The following VCX3B variants were observed in gnomAD, a reference collection of about 807,000 sequenced individuals.
The protein encoded by VCX3B is variable charge X-linked protein 3B.
For missense variants in VCX3B, 43 were observed against 195.3 expected (o/e 0.22, Z 4.65); for synonymous variants, 15 against 85.8 (o/e 0.17, Z 4.56).
chrX:8,466,321 G>T lies in VCX3B; in HGVS notation c.679G>T (p.Glu227Ter). The part of the protein sequence containing the change: ...ESQVEEPLSQ[E>*]SEMEEPLSQE... ...CCAGGTGGAGGAACCACTGAGTCAG[G>T]AGAGCGAGATGGAAGAACCACTGAG... is the stretch of plus-strand genomic sequence containing the variant. Residue 227 changes from glutamate (E) to a stop codon, truncating the protein, a stop_gained, in exon 3 of 3, where the codon GAG (glutamate) becomes TAG (stop). Transcript: ENST00000381032. LOFTEE classifies it high-confidence loss of function. The T allele has an allele frequency of 9.2e-7, 1 of 1,084,408 alleles. No homozygotes were observed. Among genetic ancestry groups the T allele is most frequent in the African/African-American group, 3.2e-5 (1 of 30,806 alleles). 89.4% of individuals were successfully genotyped at this position (1,084,408 alleles called of 1,213,427 possible). A position where few individuals can be genotyped will look rare whatever the true frequency, so the allele number is the denominator to read the frequency against.
At chrX:8,465,056 A>G (rs1457998952) in intron 1 of VCX3B, 66 bp downstream of exon 1, 9 of 251,335 alleles carry the variant, frequency 3.6e-5, no homozygotes, top group Non-Finnish European at 5.2e-5. Flanking sequence ...ACTGAATGGG[A>G]GGTCCGGGGG....
In VCX3B at chrX:8,466,437, G is replaced by T; in HGVS notation, c.*54G>T. On this transcript the variant is annotated 3_prime_UTR_variant, in exon 3 of 3. Coordinates refer to ENST00000381032, the MANE Select transcript of VCX3B (RefSeq NM_001001888.4). Reference sequence around the variant, plus strand: ...GCAGCGACTAAGTTCAGGCCCAGCCGCCAGACCTCAGAGATCTCACCAGCG... The same window carrying T: ...GCAGCGACTAAGTTCAGGCCCAGCCTCCAGACCTCAGAGATCTCACCAGCG... The T allele has an allele frequency of 1.0e-6, 1 of 994,450 alleles. No homozygotes were observed. Among genetic ancestry groups the T allele is most frequent in the Non-Finnish European group, 1.3e-6 (1 of 769,523 alleles). 82.0% of individuals were successfully genotyped at this position (994,450 alleles called of 1,213,427 possible). A position where few individuals can be genotyped will look rare whatever the true frequency, so the allele number is the denominator to read the frequency against.
Position 8,465,379 on chromosome X carries a change from G to C in VCX3B, c.-72G>C, listed in dbSNP as rs928900129. 1 of 1,169,366 alleles carries C rather than the reference G, an allele frequency of 8.6e-7. No homozygotes were observed. The highest frequency in any genetic ancestry group is 1.2e-6 in the Non-Finnish European group (1 of 867,954). On this transcript the variant is annotated 5_prime_UTR_variant, in exon 2 of 3. Coordinates refer to ENST00000381032, the MANE Select transcript of VCX3B (RefSeq NM_001001888.4). ...CGTGATTGTCTCGTCCTGGGATCGCGAGAGGTGTATATACAGGGAGGCCAG... is the reference window on the plus strand; with the variant it reads ...CGTGATTGTCTCGTCCTGGGATCGCCAGAGGTGTATATACAGGGAGGCCAG...
At chrX:8,465,575 T>TCCTCGTCTTCC (rs1299841366) in intron 2 of VCX3B, 23 bp downstream of exon 2, 1 of 1,129,988 alleles carries the variant, frequency 8.8e-7, no homozygotes, top group African/African-American at 2.1e-5. Context: ...CCCAAGCTCC[T>TCCTCGTCTTCC]CCTCGTCTTC....
At position 8,464,918 on chromosome X, in the gene VCX3B, T is replaced by G. The variant is rs1311831190; in HGVS notation, c.-219T>G. On this transcript the variant is annotated 5_prime_UTR_variant, in exon 1 of 3. The change creates a new upstream start codon in the 5' untranslated region. Coordinates refer to ENST00000381032, the MANE Select transcript of VCX3B (RefSeq NM_001001888.4). The stretch of plus-strand genomic sequence containing the variant: ...GATCCTCAAGGTGTAGCAGAGGAAT[T>G]TGTAGGAGAGAGGGATGATTGACAT... 19 of 132,853 alleles carry G rather than the reference T, an allele frequency of 1.4e-4. No homozygotes were observed. The East Asian group carries it at 2.9e-3, about 20-fold the overall frequency. The allele number at this position is 132,853 out of a possible 1,213,427, so 10.9% of individuals were successfully genotyped here. A position where few individuals can be genotyped will look rare whatever the true frequency, so the allele number is the denominator to read the frequency against.
chrX:8,465,533 C>G lies in VCX3B; in HGVS notation c.83C>G (p.Pro28Arg). Residue 28 changes from proline to arginine, a missense_variant, in exon 2 of 3, where the codon CCC becomes CGC. Transcript: ENST00000381032. ...GKRKSSSQPS[P>R]SDPKKKTTKV... ...AGGAAGTCCTCCTCTCAGCCGAGCC[C>G]CAGTGACCCGAAGAAGAAGGTGAGT... The G allele has an allele frequency of 9.0e-7, 1 of 1,106,904 alleles. No individual in the cohort carries two copies. The allele number at this position is 1,106,904 out of a possible 1,213,427, so 91.2% of individuals were successfully genotyped here. A position where few individuals can be genotyped will look rare whatever the true frequency, so the allele number is the denominator to read the frequency against.
rs751777630 is a variant in VCX3B, at chrX:8,465,021, C to T, written c.-147+31C>T. The T allele has an allele frequency of 3.2e-5, 6 of 185,849 alleles. No individual in the cohort carries two copies. In the East Asian group the frequency reaches 6.0e-4, roughly 19 times the overall value. The allele number at this position is 185,849 out of a possible 1,213,427, so 15.3% of individuals were successfully genotyped here. A position where few individuals can be genotyped will look rare whatever the true frequency, so the allele number is the denominator to read the frequency against. On this transcript the variant is annotated intron_variant, in intron 1 of 2. Coordinates refer to ENST00000381032, the MANE Select transcript of VCX3B (RefSeq NM_001001888.4). ...TCATACAGAAACCGGGTAATGATGG[C>T]AGGTGTGGAGGAACAGAATGTACCA...
In VCX3B at chrX:8,466,447, A is replaced by G. The variant is rs1404606423; in HGVS notation, c.*64A>G. The G allele has an allele frequency of 2.1e-6, 2 of 958,823 alleles. No homozygotes were observed. The highest frequency in any genetic ancestry group is 2.7e-6 in the Non-Finnish European group (2 of 746,216). 79.0% of individuals were successfully genotyped at this position (958,823 alleles called of 1,213,427 possible). On this transcript the variant is annotated 3_prime_UTR_variant, in exon 3 of 3. Coordinates refer to ENST00000381032, the MANE Select transcript of VCX3B (RefSeq NM_001001888.4). ...AGTTCAGGCCCAGCCGCCAGACCTC[A>G]GAGATCTCACCAGCGGGGTGCTTGC...
In VCX3B at chrX:8,466,394, A is replaced by G. The variant is rs768369763; in HGVS notation, c.*11A>G. On this transcript the variant is annotated 3_prime_UTR_variant, in exon 3 of 3. Coordinates refer to ENST00000381032, the MANE Select transcript of VCX3B (RefSeq NM_001001888.4). ...CTACCGAGTGTGTAGACGGCCAAGTACTCCCCTATCTCCGAGAGCAGCGAC... is the reference window on the plus strand; with the variant it reads ...CTACCGAGTGTGTAGACGGCCAAGTGCTCCCCTATCTCCGAGAGCAGCGAC... 1 of 1,072,750 alleles carries G rather than the reference A, an allele frequency of 9.3e-7. No individual in the cohort carries two copies. Among genetic ancestry groups the G allele is most frequent in the African/African-American group, 3.5e-5 (1 of 28,180 alleles). The allele number at this position is 1,072,750 out of a possible 1,213,427, so 88.4% of individuals were successfully genotyped here.
rs780957158 is a variant in VCX3B at position 8,466,395 on chromosome X, C to T, written c.*12C>T. The T allele has an allele frequency of 7.3e-5, 78 of 1,071,939 alleles. 4 individuals carry two copies. The East Asian group carries it at 1.8e-3, about 25-fold the overall frequency. The allele number at this position is 1,071,939 out of a possible 1,213,427, so 88.3% of individuals were successfully genotyped here. The stretch of plus-strand genomic sequence containing the variant: ...TACCGAGTGTGTAGACGGCCAAGTA[C>T]TCCCCTATCTCCGAGAGCAGCGACT... On this transcript the variant is annotated 3_prime_UTR_variant, in exon 3 of 3. Coordinates refer to ENST00000381032, the MANE Select transcript of VCX3B (RefSeq NM_001001888.4).
intron 1 of VCX3B, 108 bp from the exon 2 acceptor site, chrX:8,465,196 AT>A (rs1427584379): frequency 2.7e-6 from 1 of 369,489 alleles, no homozygotes; most frequent in Non-Finnish European, 4.5e-6. Context: ...CCTTTCTCCA[AT>A]TAGAGCACCC....
chrX:8,466,309 C>A lies in VCX3B; in HGVS notation c.667C>A (p.Pro223Thr), dbSNP rs751975346. 1.8e-6 allele frequency: 2 copies of A among 1,101,009 alleles called. No homozygotes were observed. Among genetic ancestry groups the A allele is most frequent in the Non-Finnish European group, 1.2e-6 (1 of 836,498 alleles). 90.7% of individuals were successfully genotyped at this position (1,101,009 alleles called of 1,213,427 possible). A position where few individuals can be genotyped will look rare whatever the true frequency, so the allele number is the denominator to read the frequency against. The change falls in exon 3 of 3, where the codon CCA becomes ACA. Residue 223 changes from proline to threonine, a missense_variant. Transcript: ENST00000381032. ...PLSQESQVEE[P>T]LSQESEMEEP... is the part of the protein sequence containing the mutation. ...GAGTCAGGAGAGCCAGGTGGAGGAACCACTGAGTCAGGAGAGCGAGATGGA... is the reference window on the plus strand; with the variant it reads ...GAGTCAGGAGAGCCAGGTGGAGGAAACACTGAGTCAGGAGAGCGAGATGGA...
chrX:8,466,396 T>C lies in VCX3B; in HGVS notation c.*13T>C. On this transcript the variant is annotated 3_prime_UTR_variant, in exon 3 of 3. Coordinates refer to ENST00000381032, the MANE Select transcript of VCX3B (RefSeq NM_001001888.4). Reference sequence around the variant, plus strand: ...ACCGAGTGTGTAGACGGCCAAGTACTCCCCTATCTCCGAGAGCAGCGACTA... The same window carrying C: ...ACCGAGTGTGTAGACGGCCAAGTACCCCCCTATCTCCGAGAGCAGCGACTA... The C allele has an allele frequency of 1.9e-6, 2 of 1,075,092 alleles. No individual in the cohort carries two copies. Among genetic ancestry groups the C allele is most frequent in the Non-Finnish European group, 2.4e-6 (2 of 827,061 alleles). 88.6% of individuals were successfully genotyped at this position (1,075,092 alleles called of 1,213,427 possible). A position where few individuals can be genotyped will look rare whatever the true frequency, so the allele number is the denominator to read the frequency against.
In VCX3B at chrX:8,465,230, C is replaced by A; in HGVS notation, c.-146-75C>A. 4 of 218,260 alleles carry A rather than the reference C, an allele frequency of 1.8e-5. 1 individual carries two copies. The highest frequency in any genetic ancestry group is 7.0e-5 in the Admixed American group (1 of 14,378). 18.0% of individuals were successfully genotyped at this position (218,260 alleles called of 1,213,427 possible). A position where few individuals can be genotyped will look rare whatever the true frequency, so the allele number is the denominator to read the frequency against. ...CCCTGCCTTCCTCATTAGATGTCAC[C>A]CCCCCCCGCCCCCGACTTCATCCGC... On this transcript the variant is annotated intron_variant, in intron 1 of 2. Coordinates refer to ENST00000381032, the MANE Select transcript of VCX3B (RefSeq NM_001001888.4).
At chrX:8,465,159 A>T (rs1416482505) in intron 1 of VCX3B, 146 bp from the exon 2 acceptor site, 1 of 355,938 alleles carries the variant, frequency 2.8e-6, no homozygotes, top group Non-Finnish European at 4.7e-6. Flanking sequence ...TTTGGGAACT[A>T]TCTTTAGGGG....
chrX:8,465,456 T>C lies in VCX3B; in HGVS notation c.6T>C (p.Ser2=). The change falls in exon 2 of 3, where the codon AGT becomes AGC. Residue 2 remains serine, a synonymous_variant. Transcript: ENST00000381032. ...GAGACGTTGAGCTGCGGAAGATGAG[T>C]CCAAAGCCGAGAGCCTCGGGACCTC... M[S]PKPRASGPPA... 1 of 1,050,062 alleles carries C rather than the reference T, an allele frequency of 9.5e-7. No homozygotes were observed. The highest frequency in any genetic ancestry group is 1.3e-6 in the Non-Finnish European group (1 of 772,560). The allele number at this position is 1,050,062 out of a possible 1,213,427, so 86.5% of individuals were successfully genotyped here. A position where few individuals can be genotyped will look rare whatever the true frequency, so the allele number is the denominator to read the frequency against.
chrX:8,465,513 GTCC>G lies in VCX3B; in HGVS notation c.69_71del (p.Ser24del). 4 of 1,054,950 alleles carry G rather than the reference GTCC, an allele frequency of 3.8e-6. No homozygotes were observed. The highest frequency in any genetic ancestry group is 5.1e-6 in the Non-Finnish European group (4 of 781,159). 86.9% of individuals were successfully genotyped at this position (1,054,950 alleles called of 1,213,427 possible). On this transcript the variant is annotated inframe_deletion, in exon 2 of 3. Coordinates refer to ENST00000381032, the MANE Select transcript of VCX3B (RefSeq NM_001001888.4). ...AGGCCAAGGAGGCAGGAAAGAGGAA[GTCC>G]TCCTCTCAGCCGAGCCCCAGTGACC...
Position 8,466,150 on chromosome X carries a change from G to C in VCX3B, c.508G>C (p.Val170Leu), listed in dbSNP as rs202120574. 7.6e-6 allele frequency: 6 copies of C among 785,723 alleles called. No homozygotes were observed. The highest frequency in any genetic ancestry group is 1.1e-4 in the African/African-American group (1 of 9,505). 64.8% of individuals were successfully genotyped at this position (785,723 alleles called of 1,213,427 possible). A position where few individuals can be genotyped will look rare whatever the true frequency, so the allele number is the denominator to read the frequency against. ...GGAACCACTGAGTCAGGAGAGCGAGGTGGAAGAACCACTGAGTCAGGAGAG... is the reference window on the plus strand; with the variant it reads ...GGAACCACTGAGTCAGGAGAGCGAGCTGGAAGAACCACTGAGTCAGGAGAG... ...VEEPLSQESE[V>L]EEPLSQESQV... The change falls in exon 3 of 3, where the codon GTG becomes CTG. Residue 170 changes from valine to leucine, a missense_variant. Val to Leu is a conservative substitution (Grantham distance 32). Coordinates refer to ENST00000381032, the MANE Select transcript of VCX3B (RefSeq NM_001001888.4).
chrX:8,465,304 G>C lies in VCX3B; in HGVS notation c.-146-1G>C, dbSNP rs1928464000. ...CGTATAAGGCCTTCCTTCCCGCCCA[G>C]GGCTACCATTGGCTGGGTAGTGGAG... is the stretch of plus-strand genomic sequence containing the variant. On this transcript the variant is annotated splice_acceptor_variant, in intron 1 of 2. Transcript: ENST00000381032. LOFTEE classifies it low-confidence loss of function (5UTR_SPLICE). 1.6e-6 allele frequency: 1 copy of C among 612,653 alleles called. No homozygotes were observed. The highest frequency in any genetic ancestry group is 3.3e-5 in the Admixed American group (1 of 30,057). The allele number at this position is 612,653 out of a possible 1,213,427, so 50.5% of individuals were successfully genotyped here. A position where few individuals can be genotyped will look rare whatever the true frequency, so the allele number is the denominator to read the frequency against.
Sources: allele counts gnomAD v4.1 joint callset, GRCh38; gene constraint gnomAD v4.1.1; transcripts MANE v1.5; gene names NCBI Gene and HGNC (gene_info 2026-07-23, HGNC 2026-07-21).